The following NACC2 variants were observed in gnomAD, a reference collection of about 807,000 sequenced individuals.
The protein encoded by NACC2 is nucleus accumbens-associated protein 2.
A neutral mutation model predicts 25.1 loss-of-function variants in NACC2; 8 were observed. The ratio of observed to expected loss-of-function variants is 0.32; its 90% CI spans 0.19 to 0.57. NACC2 has a LOEUF of 0.57. Among genes scored for constraint, NACC2 ranks in the 20% least tolerant of loss-of-function variants. The pLI, the probability that NACC2 is intolerant of heterozygous loss-of-function variation, is 0.89. For synonymous variants in NACC2, 435 were observed against 294.7 expected (o/e 1.48, Z -4.88); for missense variants, 644 against 650.2 (o/e 0.99, Z 0.10).
At chr9:136,063,498 T>C (rs78686109) in intron 1 of NACC2, among the ~76,000 whole-genome samples, 2 of 152,334 alleles carry the variant, frequency 1.3e-5, no homozygotes, top group East Asian at 1.9e-4. Context: ...GTTCTCTGCA[T>C]GTCCATCACC....
intron 2 of NACC2, among the ~76,000 whole-genome samples, chr9:136,029,921 C>T (rs373445858): frequency 6.6e-5 from 10 of 152,252 alleles, no homozygotes; most frequent in East Asian, 3.9e-4. Flanking sequence ...CTGGGCCGAA[C>T]GGGTGGAATG....
intron 1 of NACC2, among the ~76,000 whole-genome samples, chr9:136,075,874 G>A (rs1344544207): frequency 1.3e-5 from 2 of 152,180 alleles, no homozygotes; most frequent in Admixed American, 6.5e-5. Context: ...TGCTGAAAAC[G>A]GAACCCAGGC....
intron 2 of NACC2, among the ~76,000 whole-genome samples, chr9:136,045,789 A>G (rs1840713753): frequency 6.6e-6 from 1 of 152,132 alleles, no homozygotes; most frequent in Non-Finnish European, 1.5e-5. Context: ...CCTGGGGTAA[A>G]AGCAGCTGCC....
At chr9:136,024,645 GT>G (rs1840359822) in intron 2 of NACC2, among the ~76,000 whole-genome samples, 1 of 152,118 alleles carries the variant, frequency 6.6e-6, no homozygotes, top group South Asian at 2.1e-4. Context: ...CCTTTTCCTA[GT>G]CTTTAAGACA....
intron 2 of NACC2, among the ~76,000 whole-genome samples, chr9:136,035,917 T>A (rs985614354): frequency 6.6e-6 from 1 of 152,340 alleles, no homozygotes; most frequent in South Asian, 2.1e-4. Flanking sequence ...CAAAACAATG[T>A]GTGTTTTTTG....
Position 136,024,503 on chromosome 9 carries a change from A to ATGTGTGTGTGTG in NACC2, c.887-8086_887-8075dup, listed in dbSNP as rs139555936. The stretch of plus-strand genomic sequence containing the variant: ...TGAGGACAGTGTGTGTGAGGACAGA[A>ATGTGTGTGTGTG]TGTGTGTGTGTGTGTGTGTGTGTGT... On this transcript the variant is annotated intron_variant, in intron 2 of 5. Transcript: ENST00000277554. 2.7e-3 allele frequency among the ~76,000 whole-genome samples: 337 copies of ATGTGTGTGTGTG among 124,758 alleles called. 2 individuals carry two copies. The highest frequency in any genetic ancestry group is 9.3e-3 in the African/African-American group (295 of 31,836). 81.8% of individuals were successfully genotyped at this position (124,758 alleles called of 152,430 possible).
chr9:136,046,030 G>T (rs990934878), intron 2 of NACC2, among the ~76,000 whole-genome samples: 1 of 152,188 alleles, frequency 6.6e-6, no homozygotes, highest in Non-Finnish European at 1.5e-5. Flanking sequence ...CACCCTGGGG[G>T]AATGAAGGCG....
chr9:136,081,479 G>C (rs150894510), intron 1 of NACC2, among the ~76,000 whole-genome samples: 1 of 152,240 alleles, frequency 6.6e-6, no homozygotes, highest in Non-Finnish European at 1.5e-5. Context: ...CCAGGAAGGC[G>C]GTGCCGGGCG....
At chr9:136,057,147 C>T (rs868365760) in intron 1 of NACC2, among the ~76,000 whole-genome samples, 9 of 152,174 alleles carry the variant, frequency 5.9e-5, no homozygotes, top group South Asian at 2.1e-4. Flanking sequence ...TTGGCTCTGC[C>T]GGGGGTCTGG....
intron 1 of NACC2, among the ~76,000 whole-genome samples, chr9:136,052,040 A>T (rs1840852877): frequency 6.6e-6 from 1 of 152,220 alleles, no homozygotes; most frequent in South Asian, 2.1e-4. Context: ...CCGGATGCAG[A>T]CGAACGTTCC....
chr9:136,054,116 A>G (rs1840888816), intron 1 of NACC2, among the ~76,000 whole-genome samples: 1 of 152,216 alleles, frequency 6.6e-6, no homozygotes, highest in African/African-American at 2.4e-5. Flanking sequence ...GAAGCCTCAC[A>G]CACAGAAAGC....
Position 136,091,864 on chromosome 9 carries a change from A to C in NACC2, c.-60+3325T>G, listed in dbSNP as rs371915737. 7.9e-5 allele frequency among the ~76,000 whole-genome samples: 12 copies of C among 152,154 alleles called. No individual in the cohort carries two copies. In the South Asian group the frequency reaches 1.2e-3, roughly 16 times the overall value. ...AAAACCAACAACAACAACAAACAAAAAAACAGAGGTCACCAGGATCCCTGC... is the reference window on the plus strand; with the variant it reads ...AAAACCAACAACAACAACAAACAAACAAACAGAGGTCACCAGGATCCCTGC... On this transcript the variant is annotated intron_variant, in intron 1 of 5. Coordinates refer to ENST00000277554, the MANE Select transcript of NACC2 (RefSeq NM_144653.5).
intron 1 of NACC2, among the ~76,000 whole-genome samples, chr9:136,065,912 G>A: frequency 6.6e-6 from 1 of 152,086 alleles, no homozygotes; most frequent in Non-Finnish European, 1.5e-5. Context: ...AGTAAAAAGA[G>A]GCCGGGCATG....
Position 136,019,632 on chromosome 9 carries a change from G to C in NACC2, c.887-3203C>G, listed in dbSNP as rs1363166377. ...CCCCCACACAGGGAAGGTGCACCAG[G>C]GTCACGACGAGAGGGCCCGGAGCAG... On this transcript the variant is annotated intron_variant, in intron 2 of 5. Coordinates refer to ENST00000277554, the MANE Select transcript of NACC2 (RefSeq NM_144653.5). The surrounding 1 kb of genome is among the most constrained non-coding windows in gnomAD (Gnocchi z 5.2). Among the ~76,000 whole-genome samples, 2 of 152,180 alleles carry C rather than the reference G, an allele frequency of 1.3e-5. No individual in the cohort carries two copies. Among genetic ancestry groups the C allele is most frequent in the Non-Finnish European group, 2.9e-5 (2 of 68,024 alleles).
At chr9:136,049,346 G>A (rs1013951074) in intron 2 of NACC2, among the ~76,000 whole-genome samples, 4 of 152,204 alleles carry the variant, frequency 2.6e-5, no homozygotes, top group Non-Finnish European at 2.9e-5. Flanking sequence ...GACGGGGAAC[G>A]TGAACCCTGG....
chr9:136,024,526 TGTGTGTGGACAGTGTGTGTGA>T (rs1444623455), intron 2 of NACC2, among the ~76,000 whole-genome samples: 16 of 132,930 alleles, frequency 1.2e-4, no homozygotes, highest in African/African-American at 3.7e-4. Context: ...TGTGTGTGTG[TGTGTGTGGACAGTGTGTGTGA>T]GGACAGTGTG....
chr9:136,011,434 T>A lies in NACC2; in HGVS notation c.*82A>T. ...CAACAGTAGCAGTTCAGTAGGTAAGTGGCTTGATCACATTTGTTTGTATTA... is the reference window on the plus strand; with the variant it reads ...CAACAGTAGCAGTTCAGTAGGTAAGAGGCTTGATCACATTTGTTTGTATTA... On this transcript the variant is annotated 3_prime_UTR_variant, in exon 6 of 6. Transcript: ENST00000277554. The A allele has an allele frequency of 7.9e-7, 1 of 1,267,688 alleles. No individual in the cohort carries two copies. Among genetic ancestry groups the A allele is most frequent in the Non-Finnish European group, 1.0e-6 (1 of 998,468 alleles). The allele number at this position is 1,267,688 out of a possible 1,614,324, so 78.5% of individuals were successfully genotyped here. A position where few individuals can be genotyped will look rare whatever the true frequency, so the allele number is the denominator to read the frequency against.
intron 2 of NACC2, among the ~76,000 whole-genome samples, chr9:136,046,276 G>A (rs1019938858): frequency 3.9e-5 from 6 of 152,226 alleles, no homozygotes; most frequent in African/African-American, 7.2e-5. Flanking sequence ...AGGCAGGGAC[G>A]CCTGCGCCTC....
chr9:136,035,300 T>G (rs978842513), intron 2 of NACC2, among the ~76,000 whole-genome samples: 4 of 151,930 alleles, frequency 2.6e-5, no homozygotes, highest in Non-Finnish European at 5.9e-5. Flanking sequence ...TCACCAATAT[T>G]GAGCCAAAGT....
Sources: allele counts gnomAD v4.1 joint callset (sites outside exome capture counted in the v4.1 genomes callset), GRCh38; gene constraint gnomAD v4.1.1; non-coding constraint Gnocchi (gnomAD v3.1); transcripts MANE v1.5; gene names NCBI Gene and HGNC (gene_info 2026-07-23, HGNC 2026-07-21).